Variants in NBPF9 observed in about 807,000 individuals in gnomAD.
NBPF9 encodes NBPF family member NBPF9.
NBPF9 carries 91 observed loss-of-function variants against 97.8 expected under a neutral mutation model. The ratio of observed to expected loss-of-function variants is 0.93; its 90% confidence interval spans 0.79 to 1.11. NBPF9 has a LOEUF of 1.11. Ranked by LOEUF, NBPF9 falls within the 50% of genes least tolerant of loss-of-function variation. NBPF9 has a pLI of 0.00. For missense variants in NBPF9, 992 were observed against 939.5 expected (o/e 1.06, Z -0.73); for synonymous variants, 334 against 359.5 (o/e 0.93, Z 0.80).
chr1:149,074,402 A>G (rs1208103510), intron 12 of NBPF9, among the ~76,000 whole-genome samples: 1 of 150,890 alleles, frequency 6.6e-6, no homozygotes, highest in African/African-American at 2.4e-5. Context: ...GACACATAAG[A>G]CCATAAGGCC....
chr1:149,064,881 G>C (rs1553651305), intron 18 of NBPF9: 1 of 527,406 alleles, frequency 1.9e-6, no homozygotes, highest in Non-Finnish European at 3.4e-6. Context: ...GATTTGATGA[G>C]GGGGTGCAAT....
At chr1:149,079,433 A>T (rs1348897230) in intron 8 of NBPF9, among the ~76,000 whole-genome samples, 1 of 151,800 alleles carries the variant, frequency 6.6e-6, no homozygotes, top group African/African-American at 2.4e-5. Context: ...AAGATCCTCG[A>T]TGATGTTCCA....
At chr1:149,084,240 C>A (rs754665983) in intron 5 of NBPF9, among the ~76,000 whole-genome samples, 6 of 141,344 alleles carry the variant, frequency 4.2e-5, no homozygotes, top group African/African-American at 7.9e-5. Flanking sequence ...ACATGGCACA[C>A]GTATATATAT....
rs1413753011 is a variant in NBPF9, at chr1:149,079,171, T to C, written c.329A>G (p.Lys110Arg). The C allele has an allele frequency of 4.1e-4, 510 of 1,252,386 alleles. 1 individual carries two copies. In the African/African-American group the frequency reaches 5.8e-3, roughly 14 times the overall value. 77.6% of individuals were successfully genotyped at this position (1,252,386 alleles called of 1,614,324 possible). A position where few individuals can be genotyped will look rare whatever the true frequency, so the allele number is the denominator to read the frequency against. Residue 110 changes from lysine (K) to arginine (R), a missense_variant, in exon 9 of 30, where the codon AAG becomes AGG. Transcript: ENST00000584027. ...ATCTCTCCCTTCCCGTAACTTCTCC[T>C]TTAACTGCGTCAGCTCTCGTTCCTG...
At chr1:149,052,247 C>T (rs1186438863), downstream of NBPF9, among the ~76,000 whole-genome samples, 3 of 151,766 alleles carry the variant, frequency 2.0e-5, no homozygotes, top group South Asian at 2.1e-4. Context: ...TTGATAAATT[C>T]GACTTTATGA....
Position 149,077,796 on chromosome 1 carries a change from G to A in NBPF9, c.566+87C>T, listed in dbSNP as rs2080028214. 27 of 1,570,730 alleles carry A rather than the reference G, an allele frequency of 1.7e-5. 1 individual carries two copies. Among genetic ancestry groups the A allele is most frequent in the African/African-American group, 2.7e-5 (2 of 74,286 alleles). On this transcript the variant is annotated intron_variant, in intron 10 of 29. Transcript: ENST00000584027. Reference sequence around the variant, plus strand: ...GTGGCCAAGGGGATGCGGGCTTTTGGCCCACCATAGATGCCAGAGAGGGTG... The same window carrying A: ...GTGGCCAAGGGGATGCGGGCTTTTGACCCACCATAGATGCCAGAGAGGGTG...
Position 149,071,483 on chromosome 1 carries a change from C to T in NBPF9, c.1379+121G>A. The T allele has an allele frequency of 5.7e-6, 7 of 1,226,594 alleles. No individual in the cohort carries two copies. In the South Asian group the frequency reaches 7.4e-5, roughly 13 times the overall value. 76.0% of individuals were successfully genotyped at this position (1,226,594 alleles called of 1,614,324 possible). ...CCTGTGTCTAAGCTGGGTTCAATTT[C>T]ACATACTGTGGCCAAGCGAATGCGG... On this transcript the variant is annotated intron_variant, in intron 15 of 29. Coordinates refer to ENST00000584027, the Ensembl canonical transcript of NBPF9.
intron 16 of NBPF9, 47 bp downstream of exon 16, chr1:149,070,887 T>C (rs2079350458): frequency 6.8e-7 from 1 of 1,477,352 alleles, no homozygotes. Flanking sequence ...GAGTTTATCT[T>C]CCTCAGCCTA....
Position 149,082,442 on chromosome 1 carries a change from A to G in NBPF9, c.-194-12T>C, listed in dbSNP as rs1474588308. The G allele has an allele frequency of 6.0e-6, 5 of 839,270 alleles. No homozygotes were observed. The highest frequency in any genetic ancestry group is 3.7e-5 in the African/African-American group (2 of 54,142). The allele number at this position is 839,270 out of a possible 1,614,324, so 52.0% of individuals were successfully genotyped here. A position where few individuals can be genotyped will look rare whatever the true frequency, so the allele number is the denominator to read the frequency against. ...TGCCAGGTAACCGTCTGCAGTTGCA[A>G]TAACAGAATTAGAAGGTGGGGGTGT... On this transcript the variant is annotated splice_polypyrimidine_tract_variant and intron_variant, in intron 5 of 29. Coordinates refer to ENST00000584027, the Ensembl canonical transcript of NBPF9.
At chr1:149,065,223 C>G in intron 18 of NBPF9, 1 of 700,576 alleles carries the variant, frequency 1.4e-6, no homozygotes, top group Non-Finnish European at 2.6e-6. Context: ...ACAGACAACT[C>G]CTGGGCATGT....
At chr1:149,055,449 T>A (rs879950503) in exon 30 of NBPF9, 1 of 808,710 alleles carries the variant, frequency 1.2e-6, no homozygotes, top group Non-Finnish European at 1.9e-6. Flanking sequence ...TGCACAGTTA[T>A]GTGAACGTGT....
At position 149,060,839 on chromosome 1, in the gene NBPF9, A is replaced by G. The variant is rs2078542428; in HGVS notation, c.2304-144T>C. The G allele has an allele frequency of 9.8e-6, 4 of 409,572 alleles. 1 individual carries two copies. Among genetic ancestry groups the G allele is most frequent in the Admixed American group, 7.9e-5 (2 of 25,226 alleles). 25.4% of individuals were successfully genotyped at this position (409,572 alleles called of 1,614,324 possible). A position where few individuals can be genotyped will look rare whatever the true frequency, so the allele number is the denominator to read the frequency against. On this transcript the variant is annotated intron_variant, in intron 23 of 29. Transcript: ENST00000584027. ...AATGAGGTAACAAATTATTGCCTTCATGTTGGGACACAACGGGGCCAAATG... is the reference window on the plus strand; with the variant it reads ...AATGAGGTAACAAATTATTGCCTTCGTGTTGGGACACAACGGGGCCAAATG...
chr1:149,082,335 G>T, exon 6 of NBPF9: 2 of 1,542,606 alleles, frequency 1.3e-6, no homozygotes, highest in Non-Finnish European at 8.7e-7. Context: ...ACAAAAACAA[G>T]GTTTGAGGTG....
exon 14 of NBPF9, chr1:149,072,923 T>A (rs781906505): frequency 1.9e-5 from 31 of 1,606,892 alleles, no homozygotes; most frequent in Admixed American, 3.3e-5. Context: ...GAACCAGGAC[T>A]TTATATTGCC....
chr1:149,082,750 A>G (rs1434477459), intron 5 of NBPF9, among the ~76,000 whole-genome samples: 28 of 147,878 alleles, frequency 1.9e-4, no homozygotes, highest in African/African-American at 6.2e-4. Flanking sequence ...AAATAAAAAA[A>G]TGGAATCATT....
rs1303035205 is a variant in NBPF9 at position 149,059,349 on chromosome 1, T to A, written c.2586-252A>T. On this transcript the variant is annotated intron_variant, in intron 25 of 29. Transcript: ENST00000584027. ...CTAGTGAATTGGCCGGGTGACACACTGATGAAGGAGTAAAAGGACACTCTG... is the reference window on the plus strand; with the variant it reads ...CTAGTGAATTGGCCGGGTGACACACAGATGAAGGAGTAAAAGGACACTCTG... 2.6e-5 allele frequency: 12 copies of A among 457,470 alleles called. No homozygotes were observed. The Admixed American group carries it at 4.1e-4, about 16-fold the overall frequency. The allele number at this position is 457,470 out of a possible 1,614,324, so 28.3% of individuals were successfully genotyped here. A position where few individuals can be genotyped will look rare whatever the true frequency, so the allele number is the denominator to read the frequency against.
intron 16 of NBPF9, among the ~76,000 whole-genome samples, chr1:149,070,318 C>T (rs1447078049): frequency 2.4e-4 from 16 of 65,776 alleles, no homozygotes; most frequent in East Asian, 8.6e-4. Context: ...AAGACTCCAT[C>T]GCAAAAAAAA....
exon 11 of NBPF9, chr1:149,077,342 T>C (rs1477538595): frequency 6.2e-7 from 1 of 1,609,828 alleles, no homozygotes; most frequent in Non-Finnish European, 8.5e-7. Flanking sequence ...ACAAGGGCCG[T>C]GGCTATTTGA....
chr1:149,095,805 A>G (rs868936998), intron 4 of NBPF9, among the ~76,000 whole-genome samples: 1 of 152,022 alleles, frequency 6.6e-6, no homozygotes, highest in Non-Finnish European at 1.5e-5. Context: ...GAACACACCA[A>G]ATGCTGTCGA....
Sources: gnomAD v4.1 joint callset for allele counts (sites outside exome capture counted in the v4.1 genomes callset) on GRCh38, gnomAD v4.1.1 for gene constraint, MANE v1.5 for transcripts, NCBI Gene and HGNC (gene_info 2026-07-23, HGNC 2026-07-21) for gene names.